The following MEX3D variants were observed in gnomAD, a reference collection of about 807,000 sequenced individuals.
MEX3D encodes mex-3 RNA binding family member D.
Under a neutral mutation model 6.3 loss-of-function variants are expected in MEX3D, and 4 were observed. The observed-to-expected ratio is 0.64, with a 90% CI of 0.31 to 1.46. The LOEUF is 1.46. Ranked by LOEUF, MEX3D falls within the 40% of genes most tolerant of loss-of-function variation. The pLI is 0.07. For missense variants in MEX3D, 1,038 were observed against 994.4 expected (o/e 1.04, Z -0.59); for synonymous variants, 626 against 494.1 (o/e 1.27, Z -3.54).
At position 1,555,553 on chromosome 19, in the gene MEX3D, G is replaced by C. The variant is rs764595095; in HGVS notation, c.*10C>G. The C allele has an allele frequency of 1.9e-6, 3 of 1,562,018 alleles. No homozygotes were observed. In the Admixed American group the frequency reaches 5.6e-5, roughly 29 times the overall value. ...CCGCAGATGGCCCCGGCCACGTGGT[G>C]GTCCGCGCTCTAGGAAAAGATATGA... On this transcript the variant is annotated 3_prime_UTR_variant, in exon 2 of 2. Coordinates refer to ENST00000402693, the MANE Select transcript of MEX3D (RefSeq NM_203304.4).
rs1363499568 is a variant in MEX3D at position 1,555,874 on chromosome 19, G to A, written c.1645C>T (p.Pro549Ser). The change falls in exon 2 of 2, where the codon CCC becomes TCC. Residue 549 changes from proline (P) to serine (S), a missense_variant. By Grantham distance (74) the Pro-to-Ser change is moderately conservative. This residue lies in a region of MEX3D where 581 missense variants were observed against 516.2 expected (regional missense o/e 1.13). Coordinates refer to ENST00000402693, the MANE Select transcript of MEX3D (RefSeq NM_203304.4). ...GALSWRPPQG[P>S]VSFPGGAAFS... ...GCGGCGCCGCCTGGGAAGGATACGG[G>A]GCCCTGCGGGGGTCGCCAGGACAGC... 3.1e-6 allele frequency: 4 copies of A among 1,309,120 alleles called. No homozygotes were observed. Among genetic ancestry groups the A allele is most frequent in the Non-Finnish European group, 3.9e-6 (4 of 1,032,452 alleles). The allele number at this position is 1,309,120 out of a possible 1,614,324, so 81.1% of individuals were successfully genotyped here.
At position 1,556,369 on chromosome 19, in the gene MEX3D, G is replaced by C; in HGVS notation, c.1150C>G (p.Pro384Ala). The part of the protein sequence containing the change: ...AKTPNQGRRP[P>A]TATAGLRGDT... ...CCGCGGAGGCCGGCCGTGGCCGTGG[G>C]GGGCCGTCGTCCCTGGTTGGGGGTC... The change falls in exon 2 of 2, where the codon CCC becomes GCC. Residue 384 changes from proline to alanine, a missense_variant. Transcript: ENST00000402693. This position sits in a 1 kb window ranked among gnomAD's most constrained non-coding sequence, Gnocchi z 7.5. The C allele has an allele frequency of 6.7e-7, 1 of 1,487,230 alleles. No individual in the cohort carries two copies. Among genetic ancestry groups the C allele is most frequent in the Non-Finnish European group, 8.9e-7 (1 of 1,129,708 alleles). The allele number at this position is 1,487,230 out of a possible 1,614,324, so 92.1% of individuals were successfully genotyped here.
At chr19:1,564,687 A>G (rs74938419) in intron 1 of MEX3D, among the ~76,000 whole-genome samples, 420 of 152,200 alleles carry the variant, frequency 2.8e-3, no homozygotes, top group African/African-American at 9.3e-3. Flanking sequence ...AACAGCACGT[A>G]GCTACTGGGG....
Position 1,567,735 on chromosome 19 carries a change from C to T in MEX3D, c.324G>A (p.Glu108=). Residue 108 remains glutamate (E), a synonymous_variant, in exon 1 of 2, where the codon GAG becomes GAA. Coordinates refer to ENST00000402693, the MANE Select transcript of MEX3D (RefSeq NM_203304.4). The surrounding 1 kb of genome is among the most constrained non-coding windows in gnomAD (Gnocchi z 6.5). ...APEPVPPDGP[E]AGAPPTLAPA... is the part of the protein sequence containing the mutation. ...GGGCCAGGGTCGGGGGCGCGCCGGCCTCAGGTCCGTCGGGGGGCACAGGCT... is the reference window on the plus strand; with the variant it reads ...GGGCCAGGGTCGGGGGCGCGCCGGCTTCAGGTCCGTCGGGGGGCACAGGCT... 1.0e-6 allele frequency: 1 copy of T among 989,194 alleles called. No homozygotes were observed. Among genetic ancestry groups the T allele is most frequent in the Non-Finnish European group, 1.2e-6 (1 of 824,918 alleles). 61.3% of individuals were successfully genotyped at this position (989,194 alleles called of 1,614,324 possible). A position where few individuals can be genotyped will look rare whatever the true frequency, so the allele number is the denominator to read the frequency against.
Position 1,567,350 on chromosome 19 carries a change from C to CGTGTCCGGTGCGGG in MEX3D, c.595+100_595+113dup, listed in dbSNP as rs1263120063. 14 of 1,202,976 alleles carry CGTGTCCGGTGCGGG rather than the reference C, an allele frequency of 1.2e-5. No individual in the cohort carries two copies. The highest frequency in any genetic ancestry group is 1.5e-5 in the Non-Finnish European group (14 of 930,164). The allele number at this position is 1,202,976 out of a possible 1,614,324, so 74.5% of individuals were successfully genotyped here. A position where few individuals can be genotyped will look rare whatever the true frequency, so the allele number is the denominator to read the frequency against. On this transcript the variant is annotated intron_variant, in intron 1 of 1. Transcript: ENST00000402693. This position sits in a 1 kb window ranked among gnomAD's most constrained non-coding sequence, Gnocchi z 6.5. ...GGCCGAGGCCGGAGCCCACGCGGGG[C>CGTGTCCGGTGCGGG]GTGTCCGGTGCGGGGCGTCCGGCGC...
In MEX3D at chr19:1,555,631, C is replaced by T. The variant is rs765862308; in HGVS notation, c.1888G>A (p.Gly630Ser). The T allele has an allele frequency of 3.1e-6, 5 of 1,590,932 alleles. No individual in the cohort carries two copies. Among genetic ancestry groups the T allele is most frequent in the East Asian group, 2.3e-5 (1 of 43,452 alleles). The change falls in exon 2 of 2, where the codon GGC becomes AGC. Residue 630 changes from glycine (G) to serine (S), a missense_variant. This residue lies in a region of MEX3D where 581 missense variants were observed against 516.2 expected (regional missense o/e 1.13). Transcript: ENST00000402693. ...FCMDCAVRIC[G>S]KSEPECPACR... ...GCGGGACACTCGGGCTCGCTCTTGC[C>T]GCAGATGCGGACGGCGCAGTCCATG...
intron 1 of MEX3D, among the ~76,000 whole-genome samples, chr19:1,558,917 G>A (rs958785415): frequency 3.3e-5 from 5 of 152,126 alleles, no homozygotes; most frequent in African/African-American, 9.6e-5. Context: ...GTAGGCAACC[G>A]CTGACCAGGT....
At position 1,567,879 on chromosome 19, in the gene MEX3D, G is replaced by C; in HGVS notation, c.180C>G (p.Arg60=). ...PEPDDAAAAL[R]LALDQLSALG... ...GCGCCGACAGCTGGTCCAGCGCCAG[G>C]CGGAGCGCGGCGGCCGCGTCGTCGG... Residue 60 remains arginine, a synonymous_variant, in exon 1 of 2, where the codon CGC becomes CGG. Coordinates refer to ENST00000402693, the MANE Select transcript of MEX3D (RefSeq NM_203304.4). This position sits in a 1 kb window ranked among gnomAD's most constrained non-coding sequence, Gnocchi z 6.5. 1.0e-6 allele frequency: 1 copy of C among 983,528 alleles called. No homozygotes were observed. Among genetic ancestry groups the C allele is most frequent in the African/African-American group, 1.8e-5 (1 of 56,592 alleles). The allele number at this position is 983,528 out of a possible 1,614,324, so 60.9% of individuals were successfully genotyped here. A position where few individuals can be genotyped will look rare whatever the true frequency, so the allele number is the denominator to read the frequency against.
chr19:1,568,014 G>GCCGCCGCCT lies in MEX3D; in HGVS notation c.44_45insAGGCGGCGG (p.Gly18_Gly20dup). 1.0e-6 allele frequency: 1 copy of GCCGCCGCCT among 975,286 alleles called. No individual in the cohort carries two copies. The highest frequency in any genetic ancestry group is 1.8e-5 in the African/African-American group (1 of 55,300). 60.4% of individuals were successfully genotyped at this position (975,286 alleles called of 1,614,324 possible). ...CCGCCCCCACGCCGCCGCCGCCGCC[G>GCCGCCGCCT]CCCCCGCCCCCGCCGCCGTCGGGCT... On this transcript the variant is annotated inframe_insertion, in exon 1 of 2. Transcript: ENST00000402693.
At chr19:1,566,593 G>T (rs1300401464) in intron 1 of MEX3D, among the ~76,000 whole-genome samples, 1 of 152,132 alleles carries the variant, frequency 6.6e-6, no homozygotes, top group African/African-American at 2.4e-5. Context: ...GGGGTGGCGG[G>T]AAGGCAGGAG....
rs1309874435 is a variant in MEX3D, at chr19:1,555,899, C to T, written c.1620G>A (p.Ala540=). ...SRRGAPDPVG[A]LSWRPPQGPV... The stretch of plus-strand genomic sequence containing the variant: ...GGCCCTGCGGGGGTCGCCAGGACAG[C>T]GCGCCCACCGGGTCCGGGGCGCCAC... The change falls in exon 2 of 2, where the codon GCG becomes GCA. Residue 540 remains alanine, a synonymous_variant. Coordinates refer to ENST00000402693, the MANE Select transcript of MEX3D (RefSeq NM_203304.4). 18 of 1,234,502 alleles carry T rather than the reference C, an allele frequency of 1.5e-5. No homozygotes were observed. In the East Asian group the frequency reaches 5.2e-4, roughly 36 times the overall value. The allele number at this position is 1,234,502 out of a possible 1,614,324, so 76.5% of individuals were successfully genotyped here.
chr19:1,559,424 C>T (rs771840575), intron 1 of MEX3D, among the ~76,000 whole-genome samples: 3 of 152,206 alleles, frequency 2.0e-5, no homozygotes, highest in Non-Finnish European at 2.9e-5. Context: ...TGAGCCACCA[C>T]GCCCGGCCTA....
chr19:1,568,195 C>G lies in MEX3D; in HGVS notation c.-137G>C, dbSNP rs1489808081. 2 of 509,266 alleles carry G rather than the reference C, an allele frequency of 3.9e-6. No homozygotes were observed. Among genetic ancestry groups the G allele is most frequent in the Non-Finnish European group, 2.4e-6 (1 of 409,776 alleles). The allele number at this position is 509,266 out of a possible 1,614,324, so 31.5% of individuals were successfully genotyped here. A position where few individuals can be genotyped will look rare whatever the true frequency, so the allele number is the denominator to read the frequency against. On this transcript the variant is annotated 5_prime_UTR_variant, in exon 1 of 2. Coordinates refer to ENST00000402693, the MANE Select transcript of MEX3D (RefSeq NM_203304.4). ...GGGCGGGCACGGGGGGCCGGGCGGG[C>G]GGGGCGGCGGCGGCGCGGGGCTGCT...
In MEX3D at chr19:1,567,153, G is replaced by A. The variant is rs899261753; in HGVS notation, c.595+311C>T. ...CCGGGCCCTCGAGCCCCTCTCTGGG[G>A]TGCCCCTGCGGGCGGCCGAGGGCCT... is the stretch of plus-strand genomic sequence containing the variant. On this transcript the variant is annotated intron_variant, in intron 1 of 1. Transcript: ENST00000402693. This position sits in a 1 kb window ranked among gnomAD's most constrained non-coding sequence, Gnocchi z 6.5. 1.3e-4 allele frequency among the ~76,000 whole-genome samples: 20 copies of A among 152,102 alleles called. No homozygotes were observed. Among genetic ancestry groups the A allele is most frequent in the South Asian group, 1.0e-3 (5 of 4,830 alleles).
intron 1 of MEX3D, among the ~76,000 whole-genome samples, chr19:1,558,959 C>G (rs970405814): frequency 4.0e-5 from 6 of 151,810 alleles, no homozygotes; most frequent in Non-Finnish European, 8.8e-5. Context: ...ACATCCCTAC[C>G]CCACCCCTGG....
intron 1 of MEX3D, among the ~76,000 whole-genome samples, chr19:1,564,574 G>A (rs1181764110): frequency 6.6e-6 from 1 of 151,694 alleles, no homozygotes; most frequent in African/African-American, 2.4e-5. Flanking sequence ...GAATGAACTG[G>A]AGCCTCCAGC....
chr19:1,559,938 C>T (rs1914676860), intron 1 of MEX3D, among the ~76,000 whole-genome samples: 2 of 152,210 alleles, frequency 1.3e-5, no homozygotes, highest in Non-Finnish European at 2.9e-5. Flanking sequence ...CTCCATTGCA[C>T]CCAGTCCCCT....
chr19:1,567,790 G>A lies in MEX3D; in HGVS notation c.269C>T (p.Ala90Val). ...EGAAGDGAAA[A>V]GGADGGAAPE... ...AGCCGCCCCGCCGTCCGCGCCCCCC[G>A]CCGCCGCTGCGCCGTCCCCGGCCGC... Residue 90 changes from alanine to valine, a missense_variant, in exon 1 of 2, where the codon GCG becomes GTG. This residue lies in a region of MEX3D where 265 missense variants were observed against 206.3 expected (regional missense o/e 1.28). Transcript: ENST00000402693. The surrounding 1 kb of genome is among the most constrained non-coding windows in gnomAD (Gnocchi z 6.5). 1.1e-6 allele frequency: 1 copy of A among 931,000 alleles called. No individual in the cohort carries two copies. Among genetic ancestry groups the A allele is most frequent in the African/African-American group, 1.8e-5 (1 of 54,652 alleles). 57.7% of individuals were successfully genotyped at this position (931,000 alleles called of 1,614,324 possible).
At chr19:1,566,998 G>C (rs1599329805) in intron 1 of MEX3D, among the ~76,000 whole-genome samples, 1 of 152,138 alleles carries the variant, frequency 6.6e-6, no homozygotes. Context: ...AGACTGAGAC[G>C]TGCGCTCTTT....
Sources: gnomAD v4.1 joint callset for allele counts (sites outside exome capture counted in the v4.1 genomes callset) on GRCh38, gnomAD v4.1.1 for gene constraint, gnomAD v4.1.1 regional missense constraint, Gnocchi (gnomAD v3.1) non-coding constraint, MANE v1.5 for transcripts, NCBI Gene and HGNC (gene_info 2026-07-23, HGNC 2026-07-21) for gene names.